GPC6: variants seen among roughly 807,000 people sequenced by gnomAD.
The protein encoded by GPC6 is glypican 6.
GPC6 carries 14 observed loss-of-function variants against 55.2 expected under a neutral mutation model. The ratio of observed to expected loss-of-function variants is 0.25; its 90% CI spans 0.17 to 0.40. The LOEUF is 0.40. GPC6 is among the 10% of genes least tolerant of loss of function. The pLI, the probability that GPC6 is intolerant of heterozygous loss-of-function variation, is 1.00. For synonymous variants in GPC6, 278 were observed against 259.6 expected, an observed-to-expected ratio of 1.07 and a Z score of -0.68; for missense variants, 641 against 708.5, an observed-to-expected ratio of 0.90 and a Z score of 1.08.
Position 93,830,287 on chromosome 13 carries a change from T to C in GPC6, c.453T>C (p.Thr151=). The C allele has an allele frequency of 6.2e-7, 1 of 1,613,938 alleles. No homozygotes were observed. The highest frequency in any genetic ancestry group is 8.5e-7 in the Non-Finnish European group (1 of 1,179,944). Reference sequence around the variant, plus strand: ...TCACAGAGCTGAAAAGGTACTACACTGGGGGTAATGTGAATCTGGAGGAAA... The same window carrying C: ...TCACAGAGCTGAAAAGGTACTACACCGGGGGTAATGTGAATCTGGAGGAAA... The part of the protein sequence containing the change: ...DLFTELKRYY[T]GGNVNLEEML... Residue 151 remains threonine (T), a synonymous_variant, in exon 3 of 9, where the codon ACT becomes ACC. Coordinates refer to ENST00000377047, the MANE Select transcript of GPC6 (RefSeq NM_005708.5).
At chr13:93,774,460 CACTTT>C (rs1885399449) in intron 2 of GPC6, among the ~76,000 whole-genome samples, 1 of 152,118 alleles carries the variant, frequency 6.6e-6, no homozygotes, top group Admixed American at 6.6e-5. Context: ...TAATATTATG[CACTTT>C]ACTTCCAGCT....
chr13:94,310,367 C>T (rs1373071211), intron 6 of GPC6, among the ~76,000 whole-genome samples: 1 of 152,174 alleles, frequency 6.6e-6, no homozygotes, highest in African/African-American at 2.4e-5. Flanking sequence ...CAACACTGTA[C>T]TGTGGATGTG....
At chr13:93,714,293 T>C (rs1337901895) in intron 2 of GPC6, among the ~76,000 whole-genome samples, 3 of 151,910 alleles carry the variant, frequency 2.0e-5, no homozygotes, top group Non-Finnish European at 4.4e-5. Flanking sequence ...CAGACACTTT[T>C]CAAAAGAAGA....
At chr13:93,876,516 G>T (rs967133180) in intron 3 of GPC6, among the ~76,000 whole-genome samples, 1 of 152,004 alleles carries the variant, frequency 6.6e-6, no homozygotes, top group African/African-American at 2.4e-5. Context: ...AGAGGGCACG[G>T]AATACTTTTT....
Position 93,890,799 on chromosome 13 carries a change from C to T in GPC6, c.711+60254C>T, listed in dbSNP as rs12100330. 4.8e-3 allele frequency among the ~76,000 whole-genome samples: 719 copies of T among 151,000 alleles called. 8 individuals are homozygous for T. Among genetic ancestry groups the T allele is most frequent in the African/African-American group, 0.016 (679 of 41,182 alleles). On this transcript the variant is annotated intron_variant, in intron 3 of 8. Transcript: ENST00000377047. ...TCCTTTCCTCTGCTACATAATTCCC[C>T]ATGCCTTCTAGATTTTTTTCCAGTG...
chr13:93,832,145 A>ATATATATAT (rs71272209), intron 3 of GPC6, among the ~76,000 whole-genome samples: 6 of 117,478 alleles, frequency 5.1e-5, no homozygotes, highest in African/African-American at 9.8e-5. Context: ...ATATATATAT[A>ATATATATAT]ATGTCCTTAC....
intron 3 of GPC6, among the ~76,000 whole-genome samples, chr13:93,902,952 C>A (rs1876440740): frequency 6.6e-6 from 1 of 152,110 alleles, no homozygotes; most frequent in Admixed American, 6.6e-5. Context: ...CTGGTTTCAA[C>A]AAAAGTGCCA....
chr13:93,246,179 C>T (rs891703746), intron 1 of GPC6, among the ~76,000 whole-genome samples: 1 of 152,150 alleles, frequency 6.6e-6, no homozygotes, highest in Non-Finnish European at 1.5e-5. Flanking sequence ...TTATGCAAGG[C>T]GACTACATTT....
At chr13:93,621,679 G>A (rs1291472632) in intron 2 of GPC6, among the ~76,000 whole-genome samples, 1 of 152,048 alleles carries the variant, frequency 6.6e-6, no homozygotes, top group African/African-American at 2.4e-5. Context: ...AACTATGTCC[G>A]ACCTTAGGAT....
At chr13:93,889,028 G>A (rs1454514339) in intron 3 of GPC6, among the ~76,000 whole-genome samples, 3 of 152,022 alleles carry the variant, frequency 2.0e-5, no homozygotes, top group African/African-American at 4.8e-5. Flanking sequence ...AAAGAAAAAA[G>A]TAAACTGAAA....
chr13:93,327,596 C>T (rs1266662963), intron 1 of GPC6, among the ~76,000 whole-genome samples: 2 of 152,102 alleles, frequency 1.3e-5, no homozygotes, highest in Non-Finnish European at 2.9e-5. Flanking sequence ...AATCCTGGCT[C>T]AGATCCTGGC....
At chr13:93,647,167 T>G (rs1418210084) in intron 2 of GPC6, among the ~76,000 whole-genome samples, 3 of 152,138 alleles carry the variant, frequency 2.0e-5, no homozygotes, top group Admixed American at 2.0e-4. Context: ...TACAAATATA[T>G]GCAAATTTAA....
At chr13:93,820,099 T>C (rs1051535177) in intron 2 of GPC6, among the ~76,000 whole-genome samples, 1 of 152,188 alleles carries the variant, frequency 6.6e-6, no homozygotes, top group Non-Finnish European at 1.5e-5. Context: ...TGGAATTAAA[T>C]TGAAGTACTT....
intron 5 of GPC6, among the ~76,000 whole-genome samples, chr13:94,301,510 A>G (rs1000940774): frequency 3.3e-5 from 5 of 152,264 alleles, no homozygotes; most frequent in African/African-American, 1.2e-4. Context: ...AAACTTCTGG[A>G]AAATACAGAT....
At chr13:93,228,532 G>A (rs1234041730) in intron 1 of GPC6, among the ~76,000 whole-genome samples, 1 of 152,122 alleles carries the variant, frequency 6.6e-6, no homozygotes, top group Admixed American at 6.5e-5. Context: ...CTTGGTCTCC[G>A]ACAACTTGCG....
At chr13:94,116,256 G>T (rs1317126221) in intron 4 of GPC6, among the ~76,000 whole-genome samples, 14 of 151,986 alleles carry the variant, frequency 9.2e-5, no homozygotes, top group Non-Finnish European at 1.9e-4. Flanking sequence ...CCATATCAGT[G>T]CACATGAATG....
chr13:93,477,987 A>ATT (rs11455536), intron 1 of GPC6, among the ~76,000 whole-genome samples: 7 of 151,780 alleles, frequency 4.6e-5, no homozygotes, highest in South Asian at 2.1e-4. Flanking sequence ...ATCTCTTTGC[A>ATT]TTTTTTTTGT....
In GPC6 at chr13:93,258,729, A is replaced by G. The variant is rs148917386; in HGVS notation, c.160+31113A>G. On this transcript the variant is annotated intron_variant, in intron 1 of 8. Coordinates refer to ENST00000377047, the MANE Select transcript of GPC6 (RefSeq NM_005708.5). ...TGAGGCAGGAGGATTGCTTGAAGCC[A>G]GGAGTTCAACACCAGCTTAAGCAAC... Among the ~76,000 whole-genome samples, 16 of 152,206 alleles carry G rather than the reference A, an allele frequency of 1.1e-4. No individual in the cohort carries two copies. The East Asian group carries it at 3.1e-3, about 29-fold the overall frequency.
chr13:94,328,522 CGTT>C (rs895308119), intron 6 of GPC6, among the ~76,000 whole-genome samples: 8 of 152,176 alleles, frequency 5.3e-5, no homozygotes, highest in Admixed American at 2.0e-4. Flanking sequence ...GCTGTCCTGT[CGTT>C]GGTCTCACTC....
Sources: allele counts gnomAD v4.1 joint callset (sites outside exome capture counted in the v4.1 genomes callset), GRCh38; gene constraint gnomAD v4.1.1; transcripts MANE v1.5; gene names NCBI Gene and HGNC (gene_info 2026-07-23, HGNC 2026-07-21).